The following KDM2A variants were observed in gnomAD, a reference collection of about 807,000 sequenced individuals.
KDM2A encodes the protein lysine-specific demethylase 2A.
In KDM2A, 3 loss-of-function variants were observed where a neutral mutation model predicts 137.3. That is an observed-to-expected ratio of 0.02 (90% CI 0.01 to 0.06). The LOEUF (loss-of-function observed/expected upper bound fraction) is 0.06. Ranked by LOEUF, KDM2A falls within the 10% of genes least tolerant of loss-of-function variation. The probability of loss-of-function intolerance (pLI) is 1.00; values close to 1 mark genes in which losing one functional copy is unlikely to be tolerated. For synonymous variants in KDM2A, 512 were observed against 541.5 expected (o/e 0.95, Z 0.76); for missense variants, 738 against 1,510.6 (o/e 0.49, Z 8.48).
chr11:67,246,129 A>G lies in KDM2A; in HGVS notation c.1965+13A>G, dbSNP rs375285238. ...TGGCTGCCTCCAGGTGAGGAGAGCT[A>G]TGAGGGGTTCCTGAAGTCTCAGCTA... On this transcript the variant is annotated intron_variant, in intron 15 of 20. Coordinates refer to ENST00000529006, the MANE Select transcript of KDM2A (RefSeq NM_012308.3). 8.1e-6 allele frequency: 13 copies of G among 1,613,270 alleles called. No individual in the cohort carries two copies. Among genetic ancestry groups the G allele is most frequent in the Non-Finnish European group, 1.1e-5 (13 of 1,179,620 alleles).
At chr11:67,171,112 C>T (rs967751367) in intron 2 of KDM2A, among the ~76,000 whole-genome samples, 5 of 152,102 alleles carry the variant, frequency 3.3e-5, no homozygotes, top group Non-Finnish European at 7.4e-5. Flanking sequence ...AACATTTAGA[C>T]TCCTTTGTGC....
In KDM2A at chr11:67,128,009, CTTTTTTTTT is replaced by C. The variant is rs56704753; in HGVS notation, c.42+6667_42+6675del. Among the ~76,000 whole-genome samples, 79 of 107,880 alleles carry C rather than the reference CTTTTTTTTT, an allele frequency of 7.3e-4. No homozygotes were observed. In the East Asian group the frequency reaches 0.014, roughly 19 times the overall value. The allele number at this position is 107,880 out of a possible 152,430, so 70.8% of individuals were successfully genotyped here. A position where few individuals can be genotyped will look rare whatever the true frequency, so the allele number is the denominator to read the frequency against. ...ACAGTTGTGAGCCAGCACACCCGGC[CTTTTTTTTT>C]TTTTTTTTTTTTTTTAGGCGGGGTC... On this transcript the variant is annotated intron_variant, in intron 2 of 20. Transcript: ENST00000529006.
intron 2 of KDM2A, among the ~76,000 whole-genome samples, chr11:67,172,613 T>C (rs1018178571): frequency 1.2e-4 from 10 of 86,176 alleles, no homozygotes; most frequent in Non-Finnish European, 1.8e-4. Flanking sequence ...TTAGCTCTTA[T>C]AGTTGTGTGT....
rs574578485 is a variant in KDM2A, at chr11:67,255,329, G to A, written c.*274G>A. ...TGTCGAGGCGCCTGCTCGCTTACTC[G>A]CCTGCCAGGAGGCCGGGCTCTCAGT... On this transcript the variant is annotated 3_prime_UTR_variant, in exon 21 of 21. Transcript: ENST00000529006. The A allele has an allele frequency of 1.4e-4, 70 of 497,266 alleles. No individual in the cohort carries two copies. The highest frequency in any genetic ancestry group is 8.7e-4 in the African/African-American group (45 of 51,736). 30.8% of individuals were successfully genotyped at this position (497,266 alleles called of 1,614,324 possible).
chr11:67,155,710 G>A (rs992515008), intron 2 of KDM2A, among the ~76,000 whole-genome samples: 4 of 150,962 alleles, frequency 2.6e-5, no homozygotes, highest in Admixed American at 6.6e-5. Flanking sequence ...TCTGTCTCCC[G>A]GGTTCAAGCA....
In KDM2A at chr11:67,147,178, G is replaced by A. The variant is rs933706743; in HGVS notation, c.42+25820G>A. On this transcript the variant is annotated intron_variant, in intron 2 of 20. Transcript: ENST00000529006. Reference sequence around the variant, plus strand: ...GTTTGGTGTAAGAGAATAGAAATACGCCTGTTTGTATTTCATCCAGGCTTG... The same window carrying A: ...GTTTGGTGTAAGAGAATAGAAATACACCTGTTTGTATTTCATCCAGGCTTG... Among the ~76,000 whole-genome samples the A allele has an allele frequency of 5.9e-5, 9 of 152,138 alleles. No individual in the cohort carries two copies. In the East Asian group the frequency reaches 1.2e-3, roughly 20 times the overall value.
At chr11:67,139,013 C>T (rs959841092) in intron 2 of KDM2A, among the ~76,000 whole-genome samples, 4 of 152,080 alleles carry the variant, frequency 2.6e-5, no homozygotes, top group African/African-American at 9.7e-5. Flanking sequence ...TTTTCTAAAC[C>T]ACTAATGGTA....
chr11:67,190,666 C>T (rs1857329987), intron 5 of KDM2A, among the ~76,000 whole-genome samples: 1 of 152,038 alleles, frequency 6.6e-6, no homozygotes, highest in Non-Finnish European at 1.5e-5. Flanking sequence ...GAGGCTGAGT[C>T]ATGAGAATCG....
rs919669588 is a variant in KDM2A, at chr11:67,256,930, G to A, written c.*1875G>A. On this transcript the variant is annotated 3_prime_UTR_variant, in exon 21 of 21. Transcript: ENST00000529006. ...CAATAATCTGGGGTTGAAACTTTGA[G>A]GAAATGCCAGTGACTTATTCCAGAG... 1.3e-5 allele frequency: 2 copies of A among 152,618 alleles called. No homozygotes were observed. The highest frequency in any genetic ancestry group is 2.9e-5 in the Non-Finnish European group (2 of 68,056). The allele number at this position is 152,618 out of a possible 1,614,324, so 9.5% of individuals were successfully genotyped here.
At chr11:67,120,171 G>T (rs1193864395) in intron 1 of KDM2A, 122 bp downstream of exon 1, 1 of 152,180 alleles carries the variant, frequency 6.6e-6, no homozygotes, top group Non-Finnish European at 1.5e-5. Context: ...TTTCCTGGGG[G>T]AGCCCAGCGA....
Position 67,181,837 on chromosome 11 carries a change from G to C in KDM2A, c.261-9G>C. On this transcript the variant is annotated splice_polypyrimidine_tract_variant and intron_variant, in intron 4 of 20. Coordinates refer to ENST00000529006, the MANE Select transcript of KDM2A (RefSeq NM_012308.3). ...TTTCCATATATACTTACTGGTGTTT[G>C]TTTCATAGAATGCCGGATCCAGACT... The C allele has an allele frequency of 1.2e-6, 2 of 1,613,372 alleles. No individual in the cohort carries two copies. The highest frequency in any genetic ancestry group is 8.5e-7 in the Non-Finnish European group (1 of 1,179,396).
intron 10 of KDM2A, 135 bp from the exon 11 acceptor site, chr11:67,227,890 CTGCTTAAGTTTT>C: frequency 3.9e-6 from 3 of 766,814 alleles, no homozygotes; most frequent in Non-Finnish European, 4.3e-6. Flanking sequence ...GTTGATGGTT[CTGCTTAAGTTTT>C]TGCTTCAGAT....
At chr11:67,132,864 TG>T (rs2136285102) in intron 2 of KDM2A, among the ~76,000 whole-genome samples, 1 of 152,288 alleles carries the variant, frequency 6.6e-6, no homozygotes, top group South Asian at 2.1e-4. Flanking sequence ...TAGCAATCTG[TG>T]TTTTAACAAG....
At position 67,228,831 on chromosome 11, in the gene KDM2A, G is replaced by A. The variant is rs192193035; in HGVS notation, c.1084+668G>A. On this transcript the variant is annotated intron_variant, in intron 11 of 20. Transcript: ENST00000529006. ...AGCTCACTGTAACCTCAAACTCCTG[G>A]GCTCAAGCAATCCCCCTCCTGAGTA... Among the ~76,000 whole-genome samples the A allele has an allele frequency of 1.6e-3, 243 of 152,060 alleles. 2 individuals are homozygous for A. Among genetic ancestry groups the A allele is most frequent in the Non-Finnish European group, 3.8e-4 (26 of 67,984 alleles).
chr11:67,231,250 A>T (rs1858710645), intron 11 of KDM2A, among the ~76,000 whole-genome samples: 1 of 152,152 alleles, frequency 6.6e-6, no homozygotes, highest in African/African-American at 2.4e-5. Context: ...TCAAGCTTTA[A>T]CTTGAAACTG....
At chr11:67,205,552 C>T (rs558775060) in intron 5 of KDM2A, among the ~76,000 whole-genome samples, 3 of 152,218 alleles carry the variant, frequency 2.0e-5, no homozygotes, top group Admixed American at 6.5e-5. Flanking sequence ...CTCACCCTCC[C>T]GAGTAGCCGG....
intron 2 of KDM2A, among the ~76,000 whole-genome samples, chr11:67,179,284 T>C (rs1223232281): frequency 6.6e-6 from 1 of 152,142 alleles, no homozygotes; most frequent in East Asian, 1.9e-4. Flanking sequence ...TTTTGTTTTG[T>C]TTTTTTGAGA....
chr11:67,165,418 A>C (rs1052527513), intron 2 of KDM2A, among the ~76,000 whole-genome samples: 1 of 152,124 alleles, frequency 6.6e-6, no homozygotes, highest in Non-Finnish European at 1.5e-5. Flanking sequence ...CACCGCACCC[A>C]GCTTAGAATA....
At chr11:67,242,221 G>A (rs1859064444) in intron 12 of KDM2A, among the ~76,000 whole-genome samples, 1 of 151,956 alleles carries the variant, frequency 6.6e-6, no homozygotes, top group South Asian at 2.1e-4. Context: ...CCCTAAGATT[G>A]TTCCTTTCCC....
Sources: gnomAD v4.1 joint callset for allele counts (sites outside exome capture counted in the v4.1 genomes callset) on GRCh38, gnomAD v4.1.1 for gene constraint, MANE v1.5 for transcripts, NCBI Gene and HGNC (gene_info 2026-07-23, HGNC 2026-07-21) for gene names.